CCSER1: variants seen among roughly 807,000 people sequenced by gnomAD.
CCSER1 encodes the protein coiled-coil serine rich protein 1, also known as serine-rich coiled-coil domain-containing protein 1.
A neutral mutation model predicts 82.0 loss-of-function variants in CCSER1; 41 were observed. The ratio of observed to expected loss-of-function variants is 0.50; its 90% CI spans 0.39 to 0.65. The LOEUF (loss-of-function observed/expected upper bound fraction) is 0.65. Ranked by LOEUF, CCSER1 falls within the 30% of genes least tolerant of loss-of-function variation. CCSER1 has a pLI of 0.00. For missense variants in CCSER1, 1,119 were observed against 1,064.2 expected (o/e 1.05, Z -0.72); for synonymous variants, 414 against 383.9 (o/e 1.08, Z -0.92).
At chr4:90,370,503 G>A (rs555512178) in intron 3 of CCSER1, 1 of 152,078 alleles carries the variant, frequency 6.6e-6, no homozygotes, top group South Asian at 2.1e-4. Flanking sequence ...TGTTTCATAT[G>A]CTTTTGGTCA....
intron 9 of CCSER1, among the ~76,000 whole-genome samples, chr4:91,074,965 G>A (rs1347196223): frequency 6.6e-6 from 1 of 152,072 alleles, no homozygotes; most frequent in Non-Finnish European, 1.5e-5. Flanking sequence ...AGGGATATTA[G>A]ATAGTGATTT....
chr4:90,393,210 T>TC (rs1329986623), intron 3 of CCSER1, among the ~76,000 whole-genome samples: 4 of 152,196 alleles, frequency 2.6e-5, no homozygotes, highest in African/African-American at 9.6e-5. Flanking sequence ...TCTCTTTTTT[T>TC]CCCAAGTAAA....
At chr4:90,288,449 A>G (rs1414382553) in intron 1 of CCSER1, among the ~76,000 whole-genome samples, 1 of 151,912 alleles carries the variant, frequency 6.6e-6, no homozygotes, top group Admixed American at 6.6e-5. Flanking sequence ...ACTGTTAAAG[A>G]TCATCTAATA....
At chr4:91,394,872 A>G (rs1055787372) in intron 10 of CCSER1, among the ~76,000 whole-genome samples, 3 of 151,916 alleles carry the variant, frequency 2.0e-5, no homozygotes, top group Admixed American at 2.0e-4. Flanking sequence ...TGAAAATTAA[A>G]CTCTGATGAG....
At chr4:90,916,594 A>G (rs1464996542) in intron 8 of CCSER1, among the ~76,000 whole-genome samples, 1 of 152,330 alleles carries the variant, frequency 6.6e-6, no homozygotes, top group East Asian at 1.9e-4. Context: ...CATTCAGGAC[A>G]TAGGCATGGG....
At chr4:90,325,313 AT>A (rs1293623493) in intron 3 of CCSER1, among the ~76,000 whole-genome samples, 3 of 152,214 alleles carry the variant, frequency 2.0e-5, no homozygotes, top group Non-Finnish European at 4.4e-5. Context: ...TAAGAAAATA[AT>A]TTAAAAGGAC....
chr4:91,045,349 G>T (rs1385107075), intron 9 of CCSER1, among the ~76,000 whole-genome samples: 1 of 152,026 alleles, frequency 6.6e-6, no homozygotes, highest in Non-Finnish European at 1.5e-5. Context: ...ATTCCTTTGT[G>T]TTTTATGTAA....
intron 7 of CCSER1, among the ~76,000 whole-genome samples, chr4:90,759,139 C>T (rs781607790): frequency 7.2e-5 from 11 of 152,278 alleles, no homozygotes; most frequent in South Asian, 6.2e-4. Flanking sequence ...TAGACACCAA[C>T]GCTTCCTCCC....
chr4:91,577,921 A>T (rs1763526940), intron 10 of CCSER1, among the ~76,000 whole-genome samples: 1 of 148,066 alleles, frequency 6.8e-6, no homozygotes, highest in African/African-American at 2.5e-5. Flanking sequence ...TCTTCTGATT[A>T]AAAAAAAAAG....
At chr4:90,592,773 C>T (rs1579346639) in intron 5 of CCSER1, among the ~76,000 whole-genome samples, 2 of 152,012 alleles carry the variant, frequency 1.3e-5, no homozygotes, top group Non-Finnish European at 2.9e-5. Flanking sequence ...TCTTTGTATC[C>T]TCTGAAGTCC....
intron 1 of CCSER1, among the ~76,000 whole-genome samples, chr4:90,193,687 C>G (rs1157327465): frequency 6.6e-6 from 1 of 151,774 alleles, no homozygotes; most frequent in Non-Finnish European, 1.5e-5. Flanking sequence ...TCCACCTAAG[C>G]TAGCGGTCCT....
At chr4:90,551,678 T>TTCTCTCTCTCTCTCTCTCTCTCTCTCTC (rs71596530) in intron 5 of CCSER1, among the ~76,000 whole-genome samples, 1 of 88,570 alleles carries the variant, frequency 1.1e-5, no homozygotes, top group African/African-American at 4.8e-5. Flanking sequence ...AAAAATATAA[T>TTCTCTCTCTCTCTCTCTCTCTCTCTCTC]TCTCTCTCTC....
At chr4:91,477,989 C>T (rs1314191775) in intron 10 of CCSER1, among the ~76,000 whole-genome samples, 2 of 151,818 alleles carry the variant, frequency 1.3e-5, no homozygotes, top group Non-Finnish European at 3.0e-5. Context: ...GACTATATTC[C>T]AGTCTTCTTG....
chr4:91,170,656 A>C (rs948510125), intron 10 of CCSER1, among the ~76,000 whole-genome samples: 11 of 152,314 alleles, frequency 7.2e-5, no homozygotes. Flanking sequence ...AAACTCAAAA[A>C]TCATTTTTAG....
intron 5 of CCSER1, among the ~76,000 whole-genome samples, chr4:90,488,644 A>G (rs1767505315): frequency 6.6e-6 from 1 of 152,220 alleles, no homozygotes; most frequent in Non-Finnish European, 1.5e-5. Flanking sequence ...GGGAAATGAG[A>G]CAACATGAAA....
At chr4:90,154,858 G>T (rs1244823430) in intron 1 of CCSER1, among the ~76,000 whole-genome samples, 1 of 151,696 alleles carries the variant, frequency 6.6e-6, no homozygotes, top group African/African-American at 2.4e-5. Flanking sequence ...TTTCCTAACT[G>T]AATACCCTTT....
intron 10 of CCSER1, among the ~76,000 whole-genome samples, chr4:91,404,536 C>T (rs1752562289): frequency 6.6e-6 from 1 of 152,152 alleles, no homozygotes; most frequent in Admixed American, 6.6e-5. Context: ...GCATTAAGTG[C>T]TATAAATTTC....
At position 90,386,544 on chromosome 4, in the gene CCSER1, T is replaced by C. The variant is rs1285466141; in HGVS notation, c.1510-13492T>C. On this transcript the variant is annotated intron_variant, in intron 3 of 10. Coordinates refer to ENST00000509176, the MANE Select transcript of CCSER1 (RefSeq NM_001145065.2). ...TATGACCTGACCCCATAAAATACCC[T>C]AAAAATTCTAAAAGGAAACTTAGGA... Among the ~76,000 whole-genome samples the C allele has an allele frequency of 2.0e-5, 3 of 151,998 alleles. No individual in the cohort carries two copies. In the East Asian group the frequency reaches 5.8e-4, roughly 29 times the overall value.
At chr4:90,632,338 G>T (rs1724604746) in intron 6 of CCSER1, among the ~76,000 whole-genome samples, 2 of 151,446 alleles carry the variant, frequency 1.3e-5, no homozygotes, top group Admixed American at 1.3e-4. Context: ...ACCTACTTTG[G>T]GTTTAATAAA....
Sources: gnomAD v4.1 joint callset for allele counts (sites outside exome capture counted in the v4.1 genomes callset) on GRCh38, gnomAD v4.1.1 for gene constraint, MANE v1.5 for transcripts, NCBI Gene and HGNC (gene_info 2026-07-23, HGNC 2026-07-21) for gene names.